FSTL5: variants seen among roughly 807,000 people sequenced by gnomAD.
FSTL5 encodes the protein follistatin like 5, also known as follistatin-related protein 5.
FSTL5 carries 62 observed loss-of-function variants against 89.1 expected under a neutral mutation model. The ratio of observed to expected loss-of-function variants is 0.70; its 90% CI spans 0.57 to 0.86. The LOEUF is 0.86. Among genes scored for constraint, FSTL5 ranks in the 40% least tolerant of loss-of-function variants. FSTL5 has a pLI of 0.00. For synonymous variants in FSTL5, 383 were observed against 346.2 expected, an observed-to-expected ratio of 1.11 and a Z score of -1.18; for missense variants, 1,057 against 1,001.6, an observed-to-expected ratio of 1.06 and a Z score of -0.75.
chr4:161,965,509 G>A (rs147342298), intron 3 of FSTL5, among the ~76,000 whole-genome samples: 89 of 152,192 alleles, frequency 5.8e-4, no homozygotes, highest in African/African-American at 2.0e-3. Flanking sequence ...AAACTATGTG[G>A]TGGCAGAGAG....
chr4:161,681,140 G>A (rs1195111329), intron 6 of FSTL5, among the ~76,000 whole-genome samples: 2 of 151,970 alleles, frequency 1.3e-5, no homozygotes, highest in Non-Finnish European at 2.9e-5. Flanking sequence ...CTCTGAGTGT[G>A]CATGTGAATG....
chr4:161,861,085 A>T (rs552319903), intron 4 of FSTL5, among the ~76,000 whole-genome samples: 2 of 152,308 alleles, frequency 1.3e-5, no homozygotes, highest in African/African-American at 2.4e-5. Flanking sequence ...ATTTGTATTG[A>T]TATTATCCTA....
At chr4:161,810,782 A>G (rs749763242) in intron 4 of FSTL5, among the ~76,000 whole-genome samples, 4 of 152,186 alleles carry the variant, frequency 2.6e-5, no homozygotes, top group Non-Finnish European at 5.9e-5. Context: ...CTCAACATAT[A>G]GAAGATACCC....
chr4:162,088,337 C>A (rs1029303226), intron 2 of FSTL5, among the ~76,000 whole-genome samples: 1 of 152,028 alleles, frequency 6.6e-6, no homozygotes, highest in Middle Eastern at 3.4e-3. Context: ...CAAGTATTAA[C>A]TTTTCAAGAT....
chr4:161,457,072 T>C (rs1733379336), intron 14 of FSTL5, among the ~76,000 whole-genome samples: 1 of 152,138 alleles, frequency 6.6e-6, no homozygotes, highest in African/African-American at 2.4e-5. Context: ...TGACCCAAAG[T>C]TGATTATGGC....
intron 7 of FSTL5, among the ~76,000 whole-genome samples, chr4:161,612,983 G>A (rs1231753435): frequency 4.6e-5 from 7 of 151,798 alleles, no homozygotes; most frequent in East Asian, 1.9e-4. Context: ...AAGATAGGTC[G>A]AATACTGGAA....
intron 15 of FSTL5, among the ~76,000 whole-genome samples, chr4:161,414,408 A>C (rs1731704323): frequency 6.6e-6 from 1 of 152,224 alleles, no homozygotes. Flanking sequence ...AATATTATTC[A>C]TACATTTAGA....
intron 15 of FSTL5, among the ~76,000 whole-genome samples, chr4:161,432,731 A>G (rs926927480): frequency 1.3e-5 from 2 of 151,988 alleles, no homozygotes; most frequent in African/African-American, 4.8e-5. Context: ...ACAATCAGAG[A>G]TTTAAAAAAC....
rs779562211 is a variant in FSTL5 at position 161,538,264 on chromosome 4, T to C, written c.1214A>G (p.Tyr405Cys). The C allele has an allele frequency of 7.4e-6, 12 of 1,613,958 alleles. No homozygotes were observed. The highest frequency in any genetic ancestry group is 1.1e-5 in the South Asian group (1 of 91,090). The part of the protein sequence containing the change: ...GSEVHISNVR[Y>C]EDTGAYTCIA... Reference sequence around the variant, plus strand: ...ACAAGTGTATGCTCCAGTATCTTCATAGCGCACATTGCTTATGTGAACCTC... The same window carrying C: ...ACAAGTGTATGCTCCAGTATCTTCACAGCGCACATTGCTTATGTGAACCTC... Residue 405 changes from tyrosine (Y) to cysteine (C), a missense_variant, in exon 10 of 16, where the codon TAT (tyrosine) becomes TGT (cysteine). Physicochemically the swap from Tyr to Cys is radical, Grantham distance 194. Transcript: ENST00000306100.
chr4:161,648,910 T>C (rs1426083785), intron 7 of FSTL5, among the ~76,000 whole-genome samples: 1 of 152,208 alleles, frequency 6.6e-6, no homozygotes, highest in African/African-American at 2.4e-5. Flanking sequence ...GTACATTTTA[T>C]GGACAAAAAC....
chr4:161,710,476 T>A (rs1273857649), intron 6 of FSTL5, among the ~76,000 whole-genome samples: 2 of 152,182 alleles, frequency 1.3e-5, no homozygotes, highest in Non-Finnish European at 2.9e-5. Context: ...GTTCAAATGT[T>A]CTAAACCATG....
chr4:162,059,230 A>T (rs1738647012), intron 2 of FSTL5, among the ~76,000 whole-genome samples: 1 of 152,194 alleles, frequency 6.6e-6, no homozygotes, highest in African/African-American at 2.4e-5. Flanking sequence ...TTTTTGATAC[A>T]ATACAAGAGA....
chr4:161,978,285 G>T (rs925820295), intron 3 of FSTL5, among the ~76,000 whole-genome samples: 4 of 151,988 alleles, frequency 2.6e-5, no homozygotes, highest in Admixed American at 1.3e-4. Flanking sequence ...TTGATTATAA[G>T]GTATTGATGT....
intron 1 of FSTL5, among the ~76,000 whole-genome samples, chr4:162,142,484 T>C (rs1579060441): frequency 2.0e-5 from 3 of 152,236 alleles, no homozygotes; most frequent in East Asian, 3.9e-4. Context: ...TCAATGAATT[T>C]TGGCATAAAA....
chr4:161,739,912 AG>A (rs1739947671), intron 6 of FSTL5, among the ~76,000 whole-genome samples: 1 of 152,204 alleles, frequency 6.6e-6, no homozygotes, highest in Non-Finnish European at 1.5e-5. Flanking sequence ...TAAAACTTAA[AG>A]CATCCTTATA....
chr4:161,489,549 T>C (rs1729794945), intron 12 of FSTL5, among the ~76,000 whole-genome samples: 1 of 152,142 alleles, frequency 6.6e-6, no homozygotes. Flanking sequence ...ATGGATAAGT[T>C]GGAATCAAAG....
intron 15 of FSTL5, among the ~76,000 whole-genome samples, chr4:161,394,571 G>A (rs1730937413): frequency 6.6e-6 from 1 of 152,056 alleles, no homozygotes; most frequent in South Asian, 2.1e-4. Context: ...CACTGCACCT[G>A]GCCAATACAC....
At chr4:161,396,389 C>T (rs181850911) in intron 15 of FSTL5, among the ~76,000 whole-genome samples, 1 of 151,798 alleles carries the variant, frequency 6.6e-6, no homozygotes, top group East Asian at 1.9e-4. Flanking sequence ...TGCCTGTAAT[C>T]CCAGCACTTT....
chr4:161,608,197 A>C (rs907114487), intron 7 of FSTL5, among the ~76,000 whole-genome samples: 4 of 152,166 alleles, frequency 2.6e-5, no homozygotes, highest in African/African-American at 9.6e-5. Context: ...TTACAATAAA[A>C]TGTGAAGCAG....
Sources: gnomAD v4.1 joint callset for allele counts (sites outside exome capture counted in the v4.1 genomes callset) on GRCh38, gnomAD v4.1.1 for gene constraint, MANE v1.5 for transcripts, NCBI Gene and HGNC (gene_info 2026-07-23, HGNC 2026-07-21) for gene names.